Variants in B3GAT1 observed in about 807,000 individuals in gnomAD.
B3GAT1 encodes beta-1,3-glucuronyltransferase 1.
A neutral mutation model predicts 28.4 loss-of-function variants in B3GAT1; 11 were observed. The ratio of observed to expected loss-of-function variants is 0.39; its 90% CI spans 0.24 to 0.64. The LOEUF is 0.64. Among genes scored for constraint, B3GAT1 ranks in the 30% least tolerant of loss-of-function variants. The pLI is 0.50. For missense variants in B3GAT1, 375 were observed against 491.0 expected (o/e 0.76, Z 2.23); for synonymous variants, 255 against 223.1 (o/e 1.14, Z -1.27).
At chr11:134,389,617 G>C (rs568686774) in intron 1 of B3GAT1, 12 of 152,680 alleles carry the variant, frequency 7.9e-5, no homozygotes, top group African/African-American at 2.9e-4. Context: ...AGGGACCCGT[G>C]GGGGTGGTGG....
Position 134,387,921 on chromosome 11 carries a change from G to T in B3GAT1, c.-262C>A. The T allele has an allele frequency of 6.9e-7, 1 of 1,447,340 alleles. No individual in the cohort carries two copies. Among genetic ancestry groups the T allele is most frequent in the Non-Finnish European group, 9.3e-7 (1 of 1,080,704 alleles). The allele number at this position is 1,447,340 out of a possible 1,614,324, so 89.7% of individuals were successfully genotyped here. A position where few individuals can be genotyped will look rare whatever the true frequency, so the allele number is the denominator to read the frequency against. ...GTCGCTGTCCAGGGGCAGGGGTCAG[G>T]AACCCTGGGGGGTGGACACCTGCAA... On this transcript the variant is annotated 5_prime_UTR_variant, in exon 2 of 6. Transcript: ENST00000312527.
chr11:134,389,241 C>T (rs1017752511), intron 1 of B3GAT1: 1 of 152,208 alleles, frequency 6.6e-6, no homozygotes, highest in African/African-American at 2.4e-5. Context: ...TGGGATGGTC[C>T]CTGGGGGGAA....
chr11:134,401,358 C>T (rs1265887733), intron 1 of B3GAT1, among the ~76,000 whole-genome samples: 7 of 152,158 alleles, frequency 4.6e-5, no homozygotes, highest in East Asian at 1.9e-4. Context: ...GACTGGATGA[C>T]GAAGACGTGG....
Position 134,397,653 on chromosome 11 carries a change from G to T in B3GAT1, c.-281-9713C>A, listed in dbSNP as rs117494618. On this transcript the variant is annotated intron_variant, in intron 1 of 5. Transcript: ENST00000312527. ...GTGCCCCATTCCCACCCAGAGCCGC[G>T]GGGGGTCCAGAGCCAGGGAGAGGGT... Among the ~76,000 whole-genome samples, 7 of 152,246 alleles carry T rather than the reference G, an allele frequency of 4.6e-5. No homozygotes were observed. The South Asian group carries it at 8.3e-4, about 18-fold the overall frequency.
chr11:134,383,852 C>T lies in B3GAT1; in HGVS notation c.449G>A (p.Arg150His), dbSNP rs1165378998. 3 of 1,595,712 alleles carry T rather than the reference C, an allele frequency of 1.9e-6. No individual in the cohort carries two copies. The highest frequency in any genetic ancestry group is 1.1e-5 in the South Asian group (1 of 89,672). Residue 150 changes from arginine to histidine, a missense_variant, in exon 3 of 6, where the codon CGC (arginine) becomes CAC (histidine). Arg to His is a conservative substitution (Grantham distance 29). Coordinates refer to ENST00000312527, the MANE Select transcript of B3GAT1 (RefSeq NM_054025.3). Reference protein sequence around the residue: ...NYTHLHVETPRNYKLRGDARD... With the variant: ...NYTHLHVETPHNYKLRGDARD... ...GGCGTCTCCGCGCAGCTTGTAGTTG[C>T]GGGGCGTCTCCACGTGCAGGTGCGT...
rs150624857 is a variant in B3GAT1 at position 134,384,144 on chromosome 11, G to C, written c.157C>G (p.Pro53Ala). ...PRRETPPGAD[P>A]REYCTSDRDI... ...CGGTCAGACGTGCAGTACTCCCTGG[G>C]GTCGGCGCCGGGCGGCGTTTCGCGT... The change falls in exon 3 of 6, where the codon CCC (proline) becomes GCC (alanine). Residue 53 changes from proline (P) to alanine (A), a missense_variant. By Grantham distance (27) the Pro-to-Ala change is conservative (BLOSUM62 -1). Transcript: ENST00000312527. The C allele has an allele frequency of 3.2e-6, 5 of 1,566,556 alleles. No individual in the cohort carries two copies. In the African/African-American group the frequency reaches 5.4e-5, roughly 17 times the overall value.
At chr11:134,382,126 C>A (rs183601273) in intron 4 of B3GAT1, 102 bp from the exon 5 acceptor site, 23 of 886,866 alleles carry the variant, frequency 2.6e-5, no homozygotes, top group Middle Eastern at 2.2e-4. Context: ...TCCTGCCCCT[C>A]CTTTTCCTTC....
intron 3 of B3GAT1, 107 bp from the exon 4 acceptor site, chr11:134,383,113 C>A: frequency 8.0e-7 from 1 of 1,256,402 alleles, no homozygotes; most frequent in East Asian, 2.5e-5. Flanking sequence ...ATGCCCATGG[C>A]CAGCCGCGGC....
chr11:134,389,943 A>G (rs1944374738), intron 1 of B3GAT1: 1 of 151,852 alleles, frequency 6.6e-6, no homozygotes, highest in Admixed American at 6.6e-5. Context: ...CATCCCCTCC[A>G]TTAAGGAGCA....
In B3GAT1 at chr11:134,383,680, C is replaced by G; in HGVS notation, c.621G>C (p.Glu207Asp). The G allele has an allele frequency of 6.4e-7, 1 of 1,563,712 alleles. No individual in the cohort carries two copies. Among genetic ancestry groups the G allele is most frequent in the Non-Finnish European group, 8.7e-7 (1 of 1,150,234 alleles). The change falls in exon 3 of 6, where the codon GAG becomes GAC. Residue 207 changes from glutamate to aspartate, a missense_variant and splice_region_variant. Transcript: ENST00000312527. ...TGCTCACTGTCGGGCCCTCCCTCAC[C>G]TCTTCGAAGAGCTCCAGGCTGTAGG... ...DNTYSLELFE[E>D]MRSTRRVSVW...
intron 5 of B3GAT1, chr11:134,381,573 G>T (rs921986603): frequency 2.0e-5 from 5 of 246,612 alleles, no homozygotes; most frequent in Non-Finnish European, 3.2e-5. Flanking sequence ...AATCCACAGG[G>T]GAAGAGGCAG....
intron 5 of B3GAT1, among the ~76,000 whole-genome samples, chr11:134,381,130 A>G (rs1387502913): frequency 6.6e-6 from 1 of 152,200 alleles, no homozygotes; most frequent in Non-Finnish European, 1.5e-5. Context: ...AAGAGACAGG[A>G]TAAGATCACA....
intron 4 of B3GAT1, among the ~76,000 whole-genome samples, chr11:134,382,314 T>TGA (rs150134155): frequency 6.6e-6 from 1 of 152,032 alleles, no homozygotes; most frequent in African/African-American, 2.4e-5. Context: ...CAAGTGTGTG[T>TGA]GTGTGCATAC....
intron 2 of B3GAT1, chr11:134,386,731 T>C (rs1944296211): frequency 6.6e-6 from 1 of 152,226 alleles, no homozygotes; most frequent in Admixed American, 6.5e-5. Flanking sequence ...GAATGGTCGC[T>C]TTCCTTGCAT....
intron 1 of B3GAT1, among the ~76,000 whole-genome samples, chr11:134,395,049 G>A (rs533561065): frequency 3.3e-5 from 5 of 152,280 alleles, no homozygotes; most frequent in East Asian, 1.9e-4. Context: ...TGTTGGCCCC[G>A]GCTGGTGTCA....
At chr11:134,403,983 T>TATATATA (rs1555098425) in intron 1 of B3GAT1, among the ~76,000 whole-genome samples, 3 of 40,678 alleles carry the variant, frequency 7.4e-5, no homozygotes, top group African/African-American at 3.7e-4. Flanking sequence ...GTTTCTTTCT[T>TATATATA]TATATATATA....
chr11:134,398,055 T>C (rs1401794327), intron 1 of B3GAT1, among the ~76,000 whole-genome samples: 3 of 152,182 alleles, frequency 2.0e-5, no homozygotes, highest in Non-Finnish European at 2.9e-5. Flanking sequence ...AGAAAACCCC[T>C]GGGGTTGAGT....
At chr11:134,408,174 G>A (rs1944770933) in intron 1 of B3GAT1, among the ~76,000 whole-genome samples, 1 of 151,712 alleles carries the variant, frequency 6.6e-6, no homozygotes, top group African/African-American at 2.4e-5. Flanking sequence ...GGAGGGAGGT[G>A]GGACAGCCTG....
chr11:134,402,956 C>T (rs1474006411), intron 1 of B3GAT1, among the ~76,000 whole-genome samples: 2 of 151,322 alleles, frequency 1.3e-5, no homozygotes, highest in Non-Finnish European at 1.5e-5. Flanking sequence ...AGGGGACTTG[C>T]CCCCTGAGCA....
Sources: allele counts gnomAD v4.1 joint callset (sites outside exome capture counted in the v4.1 genomes callset), GRCh38; gene constraint gnomAD v4.1.1; transcripts MANE v1.5; gene names NCBI Gene and HGNC (gene_info 2026-07-23, HGNC 2026-07-21).